The following CNTN4 variants were observed in gnomAD, a reference collection of about 807,000 sequenced individuals.
The protein encoded by CNTN4 is contactin 4.
A neutral mutation model predicts 122.5 loss-of-function variants in CNTN4; 77 were observed. The ratio of observed to expected loss-of-function variants is 0.63; its 90% CI spans 0.52 to 0.76. The LOEUF is 0.76. Ranked by LOEUF, CNTN4 falls within the 30% of genes least tolerant of loss-of-function variation. The pLI is 0.00. For missense variants in CNTN4, 1,256 were observed against 1,259.1 expected, an observed-to-expected ratio of 1.00 and a Z score of 0.04; for synonymous variants, 512 against 447.0, an observed-to-expected ratio of 1.15 and a Z score of -1.83.
intron 4 of CNTN4, among the ~76,000 whole-genome samples, chr3:2,670,873 G>A (rs2084470904): frequency 6.6e-6 from 1 of 152,200 alleles, no homozygotes; most frequent in Admixed American, 6.5e-5. Flanking sequence ...GGCTGGATAT[G>A]AAATTCTGGT....
chr3:2,604,947 C>G (rs2081195287), intron 4 of CNTN4, among the ~76,000 whole-genome samples: 1 of 152,062 alleles, frequency 6.6e-6, no homozygotes. Context: ...ATCATATGCT[C>G]TATATTGTAG....
chr3:2,136,407 G>A (rs1170965637), intron 2 of CNTN4, among the ~76,000 whole-genome samples: 1 of 151,998 alleles, frequency 6.6e-6, no homozygotes, highest in African/African-American at 2.4e-5. Flanking sequence ...GAATTATTAG[G>A]AGAAACTGTC....
At chr3:2,106,221 C>G (rs1321810674) in intron 2 of CNTN4, among the ~76,000 whole-genome samples, 1 of 152,182 alleles carries the variant, frequency 6.6e-6, no homozygotes, top group Admixed American at 6.5e-5. Flanking sequence ...GTCAGTGGAT[C>G]TACCATTCTG....
intron 14 of CNTN4, among the ~76,000 whole-genome samples, chr3:3,008,630 G>GT (rs1230966987): frequency 1.4e-4 from 22 of 152,084 alleles, no homozygotes; most frequent in Non-Finnish European, 4.4e-5. Flanking sequence ...AAGTCGTTCC[G>GT]TGTCTAAGAA....
chr3:2,478,363 A>C (rs2075888271), intron 3 of CNTN4, among the ~76,000 whole-genome samples: 2 of 151,466 alleles, frequency 1.3e-5, no homozygotes, highest in South Asian at 4.2e-4. Flanking sequence ...AATAAATGAA[A>C]TATGTGAGTT....
At position 2,155,251 on chromosome 3, in the gene CNTN4, G is replaced by T. The variant is rs115218715; in HGVS notation, c.-145+54612G>T. 6.3e-3 allele frequency among the ~76,000 whole-genome samples: 958 copies of T among 152,182 alleles called. 5 individuals are homozygous for T. Among genetic ancestry groups the T allele is most frequent in the Admixed American group, 8.6e-3 (132 of 15,288 alleles). The stretch of plus-strand genomic sequence containing the variant: ...CCTGCCTGCATTAATTAATTCCTGT[G>T]CAGCAATGAAAATTTGACTCAGTTA... On this transcript the variant is annotated intron_variant, in intron 2 of 24. Transcript: ENST00000418658.
In CNTN4 at chr3:2,126,296, A is replaced by G. The variant is rs148908487; in HGVS notation, c.-145+25657A>G. 3.1e-3 allele frequency among the ~76,000 whole-genome samples: 478 copies of G among 152,276 alleles called. 5 individuals carry two copies. The highest frequency in any genetic ancestry group is 0.01 in the South Asian group (50 of 4,828). Reference sequence around the variant, plus strand: ...ATATAGCTCCTTAAGATAATGGACTATGATTCTATCTTGTCTCTGCGCCCA... The same window carrying G: ...ATATAGCTCCTTAAGATAATGGACTGTGATTCTATCTTGTCTCTGCGCCCA... On this transcript the variant is annotated intron_variant, in intron 2 of 24. Transcript: ENST00000418658.
intron 3 of CNTN4, among the ~76,000 whole-genome samples, chr3:2,396,117 C>T (rs553486593): frequency 3.9e-5 from 6 of 152,022 alleles, no homozygotes; most frequent in African/African-American, 9.6e-5. Flanking sequence ...CTTGACTTCC[C>T]GAGCTCAGGT....
intron 2 of CNTN4, among the ~76,000 whole-genome samples, chr3:2,274,171 T>C (rs2041408641): frequency 6.6e-6 from 1 of 152,072 alleles, no homozygotes; most frequent in Non-Finnish European, 1.5e-5. Context: ...TCACTTGAGC[T>C]CAGGAGCTCA....
intron 6 of CNTN4, among the ~76,000 whole-genome samples, chr3:2,816,369 A>C (rs2092730623): frequency 6.6e-6 from 1 of 151,744 alleles, no homozygotes; most frequent in African/African-American, 2.4e-5. Flanking sequence ...AAATAAAAAA[A>C]ATAAATAAAT....
intron 4 of CNTN4, among the ~76,000 whole-genome samples, chr3:2,621,276 C>T (rs1267045083): frequency 6.6e-6 from 1 of 152,208 alleles, no homozygotes; most frequent in Non-Finnish European, 1.5e-5. Flanking sequence ...AGGAAGTATT[C>T]TGTTCTGCCT....
chr3:2,888,893 T>G (rs2094007009), intron 10 of CNTN4, among the ~76,000 whole-genome samples: 1 of 152,114 alleles, frequency 6.6e-6, no homozygotes, highest in Non-Finnish European at 1.5e-5. Context: ...GTTTGTTCCC[T>G]TTGCTCCTCC....
chr3:2,154,212 C>T (rs182656260), intron 2 of CNTN4, among the ~76,000 whole-genome samples: 55 of 152,014 alleles, frequency 3.6e-4, no homozygotes, highest in African/African-American at 1.3e-3. Context: ...TGGTGAAACC[C>T]CGTCTCTACA....
chr3:2,626,184 A>G (rs2082177337), intron 4 of CNTN4, among the ~76,000 whole-genome samples: 5 of 152,244 alleles, frequency 3.3e-5, no homozygotes. Context: ...TAATATTAAC[A>G]TAGTTGAGCC....
chr3:2,774,962 G>A (rs569768587), intron 6 of CNTN4, among the ~76,000 whole-genome samples: 54 of 152,204 alleles, frequency 3.5e-4, no homozygotes, highest in African/African-American at 1.3e-3. Context: ...TTCTTTGGAA[G>A]CACGGACAGC....
At chr3:2,495,229 AT>A (rs924376207) in intron 3 of CNTN4, among the ~76,000 whole-genome samples, 3 of 152,144 alleles carry the variant, frequency 2.0e-5, no homozygotes, top group Non-Finnish European at 4.4e-5. Flanking sequence ...TCTCCAAAAT[AT>A]TTTTCAAATT....
At chr3:2,492,686 TTTAA>T (rs775948679) in intron 3 of CNTN4, among the ~76,000 whole-genome samples, 6 of 152,208 alleles carry the variant, frequency 3.9e-5, no homozygotes, top group Non-Finnish European at 5.9e-5. Flanking sequence ...TAGTTTTTTA[TTTAA>T]TCTATTTTTA....
chr3:2,314,789 A>G (rs867387951), intron 2 of CNTN4, among the ~76,000 whole-genome samples: 32 of 152,028 alleles, frequency 2.1e-4, no homozygotes, highest in African/African-American at 7.5e-4. Context: ...AAAAATTGCG[A>G]TATCTCTAAA....
chr3:2,165,310 C>T (rs988920676), intron 2 of CNTN4, among the ~76,000 whole-genome samples: 10 of 149,924 alleles, frequency 6.7e-5, no homozygotes, highest in Admixed American at 6.6e-4. Context: ...GTGACAAGAG[C>T]AAGACTGCAT....
Sources: allele counts gnomAD v4.1 joint callset (sites outside exome capture counted in the v4.1 genomes callset), GRCh38; gene constraint gnomAD v4.1.1; transcripts MANE v1.5; gene names NCBI Gene and HGNC (gene_info 2026-07-23, HGNC 2026-07-21).